Variants in GOSR1 observed in about 807,000 individuals in gnomAD.
GOSR1 encodes 28 kDa Golgi SNARE protein.
In GOSR1, 21 loss-of-function variants were observed where a neutral mutation model predicts 35.5. That is an observed-to-expected ratio of 0.59 (90% CI 0.42 to 0.85). GOSR1 has a LOEUF of 0.85. Ranked by LOEUF, GOSR1 falls within the 40% of genes least tolerant of loss-of-function variation. The pLI is 0.00. For synonymous variants in GOSR1, 94 were observed against 106.6 expected (o/e 0.88, Z 0.73); for missense variants, 285 against 309.6 (o/e 0.92, Z 0.60).
At chr17:30,504,023 T>C (rs1967309390) in intron 6 of GOSR1, among the ~76,000 whole-genome samples, 1 of 151,434 alleles carries the variant, frequency 6.6e-6, no homozygotes, top group South Asian at 2.1e-4. Flanking sequence ...TGGTTTCATT[T>C]AACTTTTTTT....
At chr17:30,484,550 G>A (rs2143629285) in intron 3 of GOSR1, 113 bp from the exon 4 acceptor site, 1 of 637,392 alleles carries the variant, frequency 1.6e-6, no homozygotes, top group East Asian at 2.7e-5. Flanking sequence ...GTTTTGTTTT[G>A]TTTTGTTTTG....
Position 30,511,469 on chromosome 17 carries a change from A to G in GOSR1, c.539+560A>G, listed in dbSNP as rs536011707. Among the ~76,000 whole-genome samples the G allele has an allele frequency of 2.5e-4, 38 of 152,338 alleles. 1 individual carries two copies. The Middle Eastern group carries it at 0.014, about 55-fold the overall frequency. ...GGTCTCTGTGCTCTAGAATTCACCA[A>G]TGTGTAAAGCATTGGTTTTCAGGAA... On this transcript the variant is annotated intron_variant, in intron 7 of 8. Coordinates refer to ENST00000451249, the MANE Select transcript of GOSR1 (RefSeq NM_001007025.2).
rs757806243 is a variant in GOSR1, at chr17:30,481,468, T to C, written c.146+211T>C. The C allele has an allele frequency of 2.1e-4, 76 of 358,510 alleles. 1 individual carries two copies. Among genetic ancestry groups the C allele is most frequent in the Middle Eastern group, 8.8e-4 (1 of 1,130 alleles). 22.2% of individuals were successfully genotyped at this position (358,510 alleles called of 1,614,324 possible). A position where few individuals can be genotyped will look rare whatever the true frequency, so the allele number is the denominator to read the frequency against. On this transcript the variant is annotated intron_variant, in intron 2 of 8. Coordinates refer to ENST00000451249, the MANE Select transcript of GOSR1 (RefSeq NM_001007025.2). The stretch of plus-strand genomic sequence containing the variant: ...TTATTTGGAATCCTTAGGCAAAGAT[T>C]GTTACAGTGTCAGAAGAAACCTGCT...
At chr17:30,507,377 A>T (rs1035334577) in intron 6 of GOSR1, among the ~76,000 whole-genome samples, 2 of 152,190 alleles carry the variant, frequency 1.3e-5, no homozygotes, top group Non-Finnish European at 2.9e-5. Context: ...CAGTGGAGAA[A>T]ATAACTGCGG....
chr17:30,487,266 T>C (rs1914736192), intron 4 of GOSR1, among the ~76,000 whole-genome samples: 1 of 152,072 alleles, frequency 6.6e-6, no homozygotes, highest in Non-Finnish European at 1.5e-5. Context: ...TATTCAGAGA[T>C]TTTAAAAAAA....
chr17:30,486,866 AG>A (rs1914716179), intron 4 of GOSR1, among the ~76,000 whole-genome samples: 1 of 152,224 alleles, frequency 6.6e-6, no homozygotes, highest in Admixed American at 6.5e-5. Flanking sequence ...GTTTTTGGAT[AG>A]GAAGACTTTC....
intron 6 of GOSR1, among the ~76,000 whole-genome samples, chr17:30,507,927 A>G (rs1342176293): frequency 6.6e-6 from 1 of 152,218 alleles, no homozygotes; most frequent in Non-Finnish European, 1.5e-5. Flanking sequence ...AGAAGAGTGT[A>G]GAAACTTAGT....
chr17:30,524,904 C>T lies in GOSR1; in HGVS notation c.*2526C>T, dbSNP rs1294813860. 2.0e-5 allele frequency: 3 copies of T among 152,222 alleles called. No homozygotes were observed. The highest frequency in any genetic ancestry group is 2.9e-5 in the Non-Finnish European group (2 of 68,034). The allele number at this position is 152,222 out of a possible 1,614,324, so 9.4% of individuals were successfully genotyped here. Reference sequence around the variant, plus strand: ...TCCAAACATCCAGAGAATGGTTTCACTGTTGAGGGTGCATGTGGCAGAATC... The same window carrying T: ...TCCAAACATCCAGAGAATGGTTTCATTGTTGAGGGTGCATGTGGCAGAATC... On this transcript the variant is annotated 3_prime_UTR_variant, in exon 9 of 9. Transcript: ENST00000451249.
chr17:30,490,751 C>G (rs1456338852), intron 5 of GOSR1, among the ~76,000 whole-genome samples: 1 of 152,122 alleles, frequency 6.6e-6, no homozygotes, highest in Non-Finnish European at 1.5e-5. Flanking sequence ...TCATACTGAT[C>G]TCAATCTATA....
intron 6 of GOSR1, among the ~76,000 whole-genome samples, chr17:30,502,038 A>G (rs946345747): frequency 3.3e-5 from 5 of 152,276 alleles, no homozygotes; most frequent in African/African-American, 1.2e-4. Context: ...ATACAAAGTA[A>G]TAAGCCTTTA....
intron 6 of GOSR1, among the ~76,000 whole-genome samples, chr17:30,503,974 G>T (rs1189091666): frequency 6.6e-6 from 1 of 151,782 alleles, no homozygotes; most frequent in African/African-American, 2.4e-5. Context: ...CTTCTGTAGG[G>T]TAGCATATTT....
intron 6 of GOSR1, among the ~76,000 whole-genome samples, chr17:30,501,115 C>T (rs532759181): frequency 1.8e-4 from 28 of 152,102 alleles, no homozygotes; most frequent in Middle Eastern, 3.4e-3. Flanking sequence ...CTCCTGACCT[C>T]GTGATCCGCC....
intron 4 of GOSR1, among the ~76,000 whole-genome samples, chr17:30,488,269 A>G (rs1241587405): frequency 6.9e-6 from 1 of 145,528 alleles, no homozygotes; most frequent in African/African-American, 2.6e-5. Context: ...GGTTCACACC[A>G]TTCTCCTGCC....
chr17:30,497,909 T>C (rs952512234), intron 6 of GOSR1, among the ~76,000 whole-genome samples: 1 of 151,968 alleles, frequency 6.6e-6, no homozygotes, highest in Admixed American at 6.6e-5. Flanking sequence ...AATACAAAAA[T>C]AAGCCAGGTG....
intron 6 of GOSR1, among the ~76,000 whole-genome samples, chr17:30,498,916 T>G (rs1003681612): frequency 6.6e-6 from 1 of 152,200 alleles, no homozygotes; most frequent in Non-Finnish European, 1.5e-5. Context: ...TTTGGTACGT[T>G]TTAACAAATA....
intron 6 of GOSR1, among the ~76,000 whole-genome samples, chr17:30,509,630 C>T (rs73279542): frequency 1.9e-4 from 29 of 152,302 alleles, no homozygotes; most frequent in African/African-American, 6.7e-4. Context: ...TTTCCTACTT[C>T]TGCTGTAAAG....
At position 30,490,776 on chromosome 17, in the gene GOSR1, T is replaced by G. The variant is rs150667233; in HGVS notation, c.434+559T>G. Among the ~76,000 whole-genome samples the G allele has an allele frequency of 3.2e-3, 492 of 152,256 alleles. 4 individuals carry two copies. Among genetic ancestry groups the G allele is most frequent in the African/African-American group, 0.011 (468 of 41,538 alleles). ...CTCAATCTATAATTTTAAATATTTG[T>G]TTTTTTCTTCTGTCCCTTCACCTCA... On this transcript the variant is annotated intron_variant, in intron 5 of 8. Transcript: ENST00000451249.
rs752145007 is a variant in GOSR1, at chr17:30,520,161, A to G, written c.622+140A>G. 4.2e-5 allele frequency: 24 copies of G among 574,838 alleles called. No homozygotes were observed. In the Admixed American group the frequency reaches 5.2e-4, roughly 12 times the overall value. 35.6% of individuals were successfully genotyped at this position (574,838 alleles called of 1,614,324 possible). ...ATTGCATAATATGAATATACTGTGC[A>G]TTCCTACTTTGTGAAAGTTTATGCT... is the stretch of plus-strand genomic sequence containing the variant. On this transcript the variant is annotated intron_variant, in intron 8 of 8. Coordinates refer to ENST00000451249, the MANE Select transcript of GOSR1 (RefSeq NM_001007025.2).
chr17:30,479,888 A>C (rs559268375), intron 1 of GOSR1: 1 of 152,192 alleles, frequency 6.6e-6, no homozygotes, highest in South Asian at 2.1e-4. Context: ...AGGCCCAGGC[A>C]GGAGGGTCAC....
Sources: allele counts gnomAD v4.1 joint callset (sites outside exome capture counted in the v4.1 genomes callset), GRCh38; gene constraint gnomAD v4.1.1; transcripts MANE v1.5; gene names NCBI Gene and HGNC (gene_info 2026-07-23, HGNC 2026-07-21).